The following ATXN10 variants were observed in gnomAD, a reference collection of about 807,000 sequenced individuals.
ATXN10 encodes the protein ataxin-10.
ATXN10 carries 28 observed loss-of-function variants against 52.9 expected under a neutral mutation model. The ratio of observed to expected loss-of-function variants is 0.53; its 90% CI spans 0.39 to 0.73. ATXN10 has a LOEUF of 0.73. Ranked by LOEUF, ATXN10 falls within the 30% of genes least tolerant of loss-of-function variation. The probability of loss-of-function intolerance (pLI) is 0.00; values close to 1 mark genes in which losing one functional copy is unlikely to be tolerated. For synonymous variants in ATXN10, 226 were observed against 221.5 expected (o/e 1.02, Z -0.18); for missense variants, 565 against 577.0 (o/e 0.98, Z 0.21).
intron 3 of ATXN10, among the ~76,000 whole-genome samples, chr22:45,693,702 T>C (rs1264045620): frequency 2.6e-5 from 4 of 152,108 alleles, no homozygotes; most frequent in African/African-American, 9.7e-5. Flanking sequence ...AATTTGGAGA[T>C]AGGATCTTTA....
At chr22:45,830,608 G>A (rs1290666682) in intron 10 of ATXN10, among the ~76,000 whole-genome samples, 2 of 151,378 alleles carry the variant, frequency 1.3e-5, no homozygotes, top group Admixed American at 1.3e-4. Flanking sequence ...AATATACTCA[G>A]CATCACTAAT....
chr22:45,723,514 C>T (rs1924745205), intron 6 of ATXN10, among the ~76,000 whole-genome samples: 1 of 152,108 alleles, frequency 6.6e-6, no homozygotes, highest in East Asian at 1.9e-4. Flanking sequence ...AGTTTTTATT[C>T]CTTACCCTCC....
Position 45,732,776 on chromosome 22 carries a change from A to G in ATXN10, c.894+3186A>G, listed in dbSNP as rs1925138994. ...TGTGCCATGGAAACCAGCAAATGCT[A>G]CAAATCAGGGTTTTCCACCTGCCTC... On this transcript the variant is annotated intron_variant, in intron 7 of 11. Transcript: ENST00000252934. This position sits in a 1 kb window ranked among gnomAD's most constrained non-coding sequence, Gnocchi z 4.5. Among the ~76,000 whole-genome samples, 1 of 152,210 alleles carries G rather than the reference A, an allele frequency of 6.6e-6. No individual in the cohort carries two copies. The highest frequency in any genetic ancestry group is 1.9e-4 in the East Asian group (1 of 5,200).
intron 3 of ATXN10, among the ~76,000 whole-genome samples, chr22:45,699,207 A>G (rs1382551855): frequency 6.6e-6 from 1 of 152,152 alleles, no homozygotes; most frequent in Non-Finnish European, 1.5e-5. Flanking sequence ...CATTTGCAGT[A>G]TTTACATAAA....
rs2146899367 is a variant in ATXN10, at chr22:45,820,371, A to G, written c.1237+13349A>G. Among the ~76,000 whole-genome samples, 1 of 152,288 alleles carries G rather than the reference A, an allele frequency of 6.6e-6. No individual in the cohort carries two copies. Among genetic ancestry groups the G allele is most frequent in the Admixed American group, 6.5e-5 (1 of 15,306 alleles). On this transcript the variant is annotated intron_variant, in intron 10 of 11. Transcript: ENST00000252934. The surrounding 1 kb of genome is among the most constrained non-coding windows in gnomAD (Gnocchi z 4.9). ...ACGCTAAGGGGTGGTAGAAGAAAGGATGGCCTACTCAGAGGCTCTGACCCA... is the reference window on the plus strand; with the variant it reads ...ACGCTAAGGGGTGGTAGAAGAAAGGGTGGCCTACTCAGAGGCTCTGACCCA...
At chr22:45,838,277 G>A (rs1194068800) in intron 10 of ATXN10, among the ~76,000 whole-genome samples, 2 of 152,140 alleles carry the variant, frequency 1.3e-5, no homozygotes, top group East Asian at 3.9e-4. Context: ...TGTTGAACCA[G>A]CTGAGGCCCA....
At chr22:45,699,067 A>G (rs965849344) in intron 3 of ATXN10, among the ~76,000 whole-genome samples, 3 of 152,184 alleles carry the variant, frequency 2.0e-5, no homozygotes. Context: ...TATGACGAAT[A>G]TATTATGCCC....
chr22:45,819,026 C>G lies in ATXN10; in HGVS notation c.1237+12004C>G, dbSNP rs1928559730. Among the ~76,000 whole-genome samples, 1 of 152,112 alleles carries G rather than the reference C, an allele frequency of 6.6e-6. No individual in the cohort carries two copies. The highest frequency in any genetic ancestry group is 2.1e-4 in the South Asian group (1 of 4,806). On this transcript the variant is annotated intron_variant, in intron 10 of 11. Coordinates refer to ENST00000252934, the MANE Select transcript of ATXN10 (RefSeq NM_013236.4). This position sits in a 1 kb window ranked among gnomAD's most constrained non-coding sequence, Gnocchi z 4.5. ...GCCTAAATAATTTCACCTTAATCGTCACTATTCTAGACCAGTTGTAAGCTT... is the reference window on the plus strand; with the variant it reads ...GCCTAAATAATTTCACCTTAATCGTGACTATTCTAGACCAGTTGTAAGCTT...
At chr22:45,714,363 AT>A (rs756445474) in intron 5 of ATXN10, among the ~76,000 whole-genome samples, 40 of 151,786 alleles carry the variant, frequency 2.6e-4, no homozygotes, top group Non-Finnish European at 5.3e-4. Context: ...CTGTTTTTGT[AT>A]TTTGACTTTG....
rs1052607017 is a variant in ATXN10, at chr22:45,787,053, G to A, written c.1174-19906G>A. Among the ~76,000 whole-genome samples the A allele has an allele frequency of 8.5e-5, 13 of 152,164 alleles. No homozygotes were observed. Among genetic ancestry groups the A allele is most frequent in the African/African-American group, 3.1e-4 (13 of 41,422 alleles). On this transcript the variant is annotated intron_variant, in intron 9 of 11. Transcript: ENST00000252934. The surrounding 1 kb of genome is among the most constrained non-coding windows in gnomAD (Gnocchi z 4.2). ...TAAATTATGGTAGGTTATAGTGACTGAATAGAATATACTATTAGAAAATCA... is the reference window on the plus strand; with the variant it reads ...TAAATTATGGTAGGTTATAGTGACTAAATAGAATATACTATTAGAAAATCA...
chr22:45,821,347 T>TAA lies in ATXN10; in HGVS notation c.1237+14344_1237+14345dup, dbSNP rs567448480. Among the ~76,000 whole-genome samples the TAA allele has an allele frequency of 1.8e-3, 190 of 106,444 alleles. No individual in the cohort carries two copies. In the South Asian group the frequency reaches 0.021, roughly 12 times the overall value. 69.8% of individuals were successfully genotyped at this position (106,444 alleles called of 152,430 possible). On this transcript the variant is annotated intron_variant, in intron 10 of 11. Coordinates refer to ENST00000252934, the MANE Select transcript of ATXN10 (RefSeq NM_013236.4). ...GGCAACTTAGTGAGACCCGTCTCTT[T>TAA]AAAAAAAAAAAAAAAAAAAACGAAC...
chr22:45,746,435 A>C (rs1280739705), intron 9 of ATXN10, among the ~76,000 whole-genome samples: 1 of 152,084 alleles, frequency 6.6e-6, no homozygotes, highest in Non-Finnish European at 1.5e-5. Context: ...TGTTGCTCTT[A>C]ATGAGGATTA....
rs1338448124 is a variant in ATXN10, at chr22:45,825,472, C to T, written c.1238-17519C>T. ...AAGACCTGAGAAGATCTTAAATTTACACCTCAGGCTTATCCTTGGCACAGA... is the reference window on the plus strand; with the variant it reads ...AAGACCTGAGAAGATCTTAAATTTATACCTCAGGCTTATCCTTGGCACAGA... On this transcript the variant is annotated intron_variant, in intron 10 of 11. Coordinates refer to ENST00000252934, the MANE Select transcript of ATXN10 (RefSeq NM_013236.4). The surrounding 1 kb of genome is among the most constrained non-coding windows in gnomAD (Gnocchi z 4.5). Among the ~76,000 whole-genome samples, 1 of 152,142 alleles carries T rather than the reference C, an allele frequency of 6.6e-6. No homozygotes were observed. Among genetic ancestry groups the T allele is most frequent in the Non-Finnish European group, 1.5e-5 (1 of 68,026 alleles).
intron 10 of ATXN10, among the ~76,000 whole-genome samples, chr22:45,822,109 C>T (rs555509850): frequency 6.6e-6 from 1 of 152,324 alleles, no homozygotes; most frequent in South Asian, 2.1e-4. Context: ...TGTTTCCTGT[C>T]ATTCAAAATC....
intron 1 of ATXN10, among the ~76,000 whole-genome samples, chr22:45,686,251 T>C (rs1891118846): frequency 6.6e-6 from 1 of 152,152 alleles, no homozygotes; most frequent in Non-Finnish European, 1.5e-5. Flanking sequence ...CAGGGGCCAC[T>C]TTTGAGTGTG....
chr22:45,745,512 A>G (rs1014988560), intron 9 of ATXN10, among the ~76,000 whole-genome samples: 2 of 152,230 alleles, frequency 1.3e-5, no homozygotes, highest in African/African-American at 2.4e-5. Flanking sequence ...ATATGTGCCT[A>G]TAAATCTTTT....
chr22:45,757,657 A>T lies in ATXN10; in HGVS notation c.1173+17119A>T, dbSNP rs984307614. 3.3e-5 allele frequency among the ~76,000 whole-genome samples: 5 copies of T among 152,028 alleles called. No individual in the cohort carries two copies. The highest frequency in any genetic ancestry group is 5.9e-5 in the Non-Finnish European group (4 of 68,002). The stretch of plus-strand genomic sequence containing the variant: ...TATTAGTAAATATGGATGGGATAAA[A>T]TTTTTTTTACATACACATAGGATTC... On this transcript the variant is annotated intron_variant, in intron 9 of 11. Coordinates refer to ENST00000252934, the MANE Select transcript of ATXN10 (RefSeq NM_013236.4). This position sits in a 1 kb window ranked among gnomAD's most constrained non-coding sequence, Gnocchi z 4.6.
At chr22:45,714,192 C>T (rs1290237996) in intron 5 of ATXN10, among the ~76,000 whole-genome samples, 1 of 151,936 alleles carries the variant, frequency 6.6e-6, no homozygotes, top group Non-Finnish European at 1.5e-5. Flanking sequence ...AGTTTTATTT[C>T]GTATTTTTCT....
chr22:45,742,555 C>T (rs1411843058), intron 9 of ATXN10, among the ~76,000 whole-genome samples: 2 of 151,532 alleles, frequency 1.3e-5, no homozygotes, highest in African/African-American at 2.4e-5. Context: ...ACCGAATGTG[C>T]TTAACCTCAA....
Sources: allele counts gnomAD v4.1 joint callset (sites outside exome capture counted in the v4.1 genomes callset), GRCh38; gene constraint gnomAD v4.1.1; non-coding constraint Gnocchi (gnomAD v3.1); transcripts MANE v1.5; gene names NCBI Gene and HGNC (gene_info 2026-07-23, HGNC 2026-07-21).